The following SLC29A3 variants were observed in gnomAD, a reference collection of about 807,000 sequenced individuals.
SLC29A3 encodes solute carrier family 29 member 3.
A neutral mutation model predicts 25.4 loss-of-function variants in SLC29A3; 18 were observed. That is an observed-to-expected ratio of 0.71 (90% CI 0.49 to 1.05). The LOEUF is 1.05. SLC29A3 is among the 50% of genes least tolerant of loss of function. The pLI is 0.00. For synonymous variants in SLC29A3, 258 were observed against 267.1 expected (o/e 0.97, Z 0.33); for missense variants, 586 against 609.0 (o/e 0.96, Z 0.40).
Position 71,362,074 on chromosome 10 carries a change from C to T in SLC29A3, c.894C>T (p.Leu298=), listed in dbSNP as rs748117635. 1.2e-6 allele frequency: 2 copies of T among 1,614,066 alleles called. No individual in the cohort carries two copies. Among genetic ancestry groups the T allele is most frequent in the Admixed American group, 3.3e-5 (2 of 60,002 alleles). Residue 298 remains leucine (L), a synonymous_variant, in exon 6 of 6, where the codon CTC becomes CTT. Transcript: ENST00000373189. ...SRFIDSHTPP[L]RPILKKTASL... ...TCATTGATTCCCACACACCCCCTCT[C>T]CGCCCCATCCTGAAGAAGACGGCCA...
intron 2 of SLC29A3, among the ~76,000 whole-genome samples, chr10:71,340,269 C>T (rs1846366364): frequency 6.6e-6 from 1 of 152,218 alleles, no homozygotes; most frequent in Non-Finnish European, 1.5e-5. Flanking sequence ...ACCCCCAGGC[C>T]TCCAGGCTTT....
At chr10:71,328,610 C>T (rs1846032878) in intron 2 of SLC29A3, among the ~76,000 whole-genome samples, 1 of 152,210 alleles carries the variant, frequency 6.6e-6, no homozygotes, top group Non-Finnish European at 1.5e-5. Flanking sequence ...ACACCCAACA[C>T]ATAATAGCAC....
At position 71,337,009 on chromosome 10, in the gene SLC29A3, G is replaced by T. The variant is rs570186416; in HGVS notation, c.301-7200G>T. Among the ~76,000 whole-genome samples the T allele has an allele frequency of 3.3e-5, 5 of 152,298 alleles. 1 individual carries two copies. The highest frequency in any genetic ancestry group is 9.6e-5 in the African/African-American group (4 of 41,574). ...CCTCTTCCTTAGGGTGGCCACAGTG[G>T]CTTCGTCTGTCTGGCCAGCATTTTC... On this transcript the variant is annotated intron_variant, in intron 2 of 5. Transcript: ENST00000373189.
At chr10:71,375,230 G>C (rs1847241376) in intron 3 of SLC29A3, among the ~76,000 whole-genome samples, 1 of 152,076 alleles carries the variant, frequency 6.6e-6, no homozygotes, top group Non-Finnish European at 1.5e-5. Context: ...AGCACTGAAG[G>C]CTCCAAGGAC....
chr10:71,355,672 C>A (rs1051921616), intron 4 of SLC29A3, among the ~76,000 whole-genome samples: 1 of 152,094 alleles, frequency 6.6e-6, no homozygotes, highest in Non-Finnish European at 1.5e-5. Context: ...GGGCCGGGGG[C>A]AGAGAAGAGG....
At chr10:71,347,674 T>C (rs1000158396) in intron 3 of SLC29A3, among the ~76,000 whole-genome samples, 7 of 152,282 alleles carry the variant, frequency 4.6e-5, no homozygotes, top group African/African-American at 1.7e-4. Flanking sequence ...GAGTGGTTTA[T>C]GCAGCAGATA....
chr10:71,332,064 C>T (rs1846129524), intron 2 of SLC29A3, among the ~76,000 whole-genome samples: 1 of 152,036 alleles, frequency 6.6e-6, no homozygotes, highest in African/African-American at 2.4e-5. Context: ...TCAGATCTCT[C>T]TCCAAATGGA....
chr10:71,321,402 TATTA>T (rs1845843196), intron 1 of SLC29A3, among the ~76,000 whole-genome samples: 1 of 152,192 alleles, frequency 6.6e-6, no homozygotes. Context: ...TGCATTTATT[TATTA>T]GTTTATTGGG....
intron 5 of SLC29A3, among the ~76,000 whole-genome samples, chr10:71,357,774 G>A (rs767230300): frequency 1.3e-5 from 2 of 152,090 alleles, no homozygotes; most frequent in African/African-American, 2.4e-5. Context: ...TAAAAACAAC[G>A]CTTGTCTTTC....
intron 3 of SLC29A3, among the ~76,000 whole-genome samples, chr10:71,347,412 C>T (rs1048399059): frequency 6.6e-6 from 1 of 152,140 alleles, no homozygotes; most frequent in Non-Finnish European, 1.5e-5. Flanking sequence ...GGTCTTGAAG[C>T]TGTCCTCTTG....
intron 2 of SLC29A3, among the ~76,000 whole-genome samples, chr10:71,342,088 CA>C (rs1181638291): frequency 2.0e-5 from 3 of 152,214 alleles, no homozygotes; most frequent in African/African-American, 7.2e-5. Context: ...CATCCACACT[CA>C]GGGGAGGGCA....
Position 71,323,054 on chromosome 10 carries a change from G to A in SLC29A3, c.300G>A (p.Leu100=), listed in dbSNP as rs1240140273. 1.2e-6 allele frequency: 2 copies of A among 1,612,712 alleles called. No individual in the cohort carries two copies. Among genetic ancestry groups the A allele is most frequent in the Admixed American group, 1.7e-5 (1 of 60,014 alleles). The change falls in exon 2 of 6, where the codon CTG becomes CTA. Residue 100 remains leucine, a splice_region_variant and synonymous_variant. Coordinates refer to ENST00000373189, the MANE Select transcript of SLC29A3 (RefSeq NM_018344.6). ...TGEDPEGSDI[L]NYFESYLAVA... ...AGGACCCTGAGGGCTCAGACATCCTGGTAAGGGCATGTTTCTCCTGCAAGG... is the reference window on the plus strand; with the variant it reads ...AGGACCCTGAGGGCTCAGACATCCTAGTAAGGGCATGTTTCTCCTGCAAGG...
chr10:71,334,955 TC>T (rs1846208402), intron 2 of SLC29A3, among the ~76,000 whole-genome samples: 1 of 130,258 alleles, frequency 7.7e-6, no homozygotes. Context: ...TCTTTTTTTT[TC>T]TTTTTTTTTT....
At chr10:71,353,018 T>A (rs1473931028) in intron 4 of SLC29A3, among the ~76,000 whole-genome samples, 1 of 152,236 alleles carries the variant, frequency 6.6e-6, no homozygotes, top group African/African-American at 2.4e-5. Flanking sequence ...CCAGGAAGCA[T>A]GTGGCCAGGA....
chr10:71,357,936 A>C (rs1347218953), intron 5 of SLC29A3, among the ~76,000 whole-genome samples: 1 of 152,254 alleles, frequency 6.6e-6, no homozygotes, highest in African/African-American at 2.4e-5. Flanking sequence ...AGAGCTGGGG[A>C]GAGATCTGCC....
chr10:71,360,189 G>A (rs1414689451), intron 5 of SLC29A3, among the ~76,000 whole-genome samples: 1 of 135,954 alleles, frequency 7.4e-6, no homozygotes, highest in Admixed American at 8.2e-5. Flanking sequence ...TGTCACCTAG[G>A]CTGGAGTGCA....
At chr10:71,344,149 T>G in intron 2 of SLC29A3, 60 bp from the exon 3 acceptor site, 1 of 1,350,978 alleles carries the variant, frequency 7.4e-7, no homozygotes, top group Non-Finnish European at 1.1e-6. Context: ...TCTGCTCGCG[T>G]GGAACTGCTC....
At chr10:71,339,483 G>A (rs3781316) in intron 2 of SLC29A3, among the ~76,000 whole-genome samples, 74,271 of 151,930 alleles carry the variant, frequency 0.49, 20,328 homozygotes, top group Non-Finnish European at 0.61. Context: ...TCTCCCACGT[G>A]GGTTTGAGAA....
At chr10:71,322,225 A>G (rs558138781) in intron 1 of SLC29A3, among the ~76,000 whole-genome samples, 190 of 152,272 alleles carry the variant, frequency 1.2e-3, no homozygotes, top group African/African-American at 2.1e-3. Flanking sequence ...TGCATATACA[A>G]ATACATATGT....
Sources: gnomAD v4.1 joint callset for allele counts (sites outside exome capture counted in the v4.1 genomes callset) on GRCh38, gnomAD v4.1.1 for gene constraint, MANE v1.5 for transcripts, NCBI Gene and HGNC (gene_info 2026-07-23, HGNC 2026-07-21) for gene names.